Variants in PLD4 observed in about 807,000 individuals in gnomAD.
PLD4 encodes the protein 5'-3' exonuclease PLD4.
PLD4 carries 54 observed loss-of-function variants against 52.3 expected under a neutral mutation model. That is an observed-to-expected ratio of 1.03 (90% CI 0.83 to 1.30). PLD4 has a LOEUF of 1.30. PLD4 is among the 50% of genes most tolerant of loss of function. The pLI is 0.00. For missense variants in PLD4, 731 were observed against 671.1 expected (o/e 1.09, Z -0.99); for synonymous variants, 264 against 286.5 (o/e 0.92, Z 0.79).
At position 104,930,838 on chromosome 14, in the gene PLD4, G is replaced by A. The variant is rs543549955; in HGVS notation, c.814G>A (p.Ala272Thr). 8.7e-6 allele frequency: 14 copies of A among 1,613,560 alleles called. No individual in the cohort carries two copies. Among genetic ancestry groups the A allele is most frequent in the South Asian group, 1.1e-5 (1 of 91,088 alleles). ...QTYWVLGVPK[A>T]VLPKTWPQNF... ...CTACTGGGTACTGGGGGTGCCCAAG[G>A]CTGTCCTCCCCAAAACCTGGCCTCA... Residue 272 changes from alanine (A) to threonine (T), a missense_variant, in exon 7 of 11, where the codon GCT (alanine) becomes ACT (threonine). Ala to Thr is a moderately conservative substitution (Grantham distance 58, BLOSUM62 0). Transcript: ENST00000392593.
rs2582533 is a variant in PLD4, at chr14:104,932,450, G to C, written c.1321+95G>C. 0.55 allele frequency: 750,399 copies of C among 1,370,866 alleles called. 208,389 individuals carry two copies. Among genetic ancestry groups the C allele is most frequent in the African/African-American group, 0.72 (50,840 of 70,310 alleles). The allele number at this position is 1,370,866 out of a possible 1,614,324, so 84.9% of individuals were successfully genotyped here. ...TGTGACCGGCGTGGACACCTCAGGA[G>C]GGAGGGGCTGCTGCTGAAGGGGGAC... is the stretch of plus-strand genomic sequence containing the variant. On this transcript the variant is annotated intron_variant, in intron 10 of 10. Transcript: ENST00000392593. The surrounding 1 kb of genome is among the most constrained non-coding windows in gnomAD (Gnocchi z 6.5).
chr14:104,927,961 C>T (rs1897515330), intron 3 of PLD4, 95 bp downstream of exon 3: 4 of 1,328,960 alleles, frequency 3.0e-6, no homozygotes, highest in Admixed American at 5.4e-5. Context: ...ATAAGGGGGG[C>T]CCTCTACCAG....
rs749164082 is a variant in PLD4, at chr14:104,928,839, G to A, written c.375G>A (p.Leu125=). ...CTCTGGGCCAGGCCTGGCTGCAGCT[G>A]CTGGACACTGCCCAGGAGAGCGTCC... ...AQPLGQAWLQ[L]LDTAQESVHV... Residue 125 remains leucine (L), a synonymous_variant, in exon 4 of 11, where the codon CTG becomes CTA. Coordinates refer to ENST00000392593, the MANE Select transcript of PLD4 (RefSeq NM_138790.5). 20 of 1,612,264 alleles carry A rather than the reference G, an allele frequency of 1.2e-5. No individual in the cohort carries two copies. Among genetic ancestry groups the A allele is most frequent in the Non-Finnish European group, 1.6e-5 (19 of 1,179,522 alleles).
chr14:104,925,473 G>T (rs962086058), intron 1 of PLD4, among the ~76,000 whole-genome samples: 15 of 151,972 alleles, frequency 9.9e-5, no homozygotes, highest in African/African-American at 3.6e-4. Flanking sequence ...GATGGGGCCT[G>T]CAAGAGGCAG....
chr14:104,931,470 G>A (rs1897641694), intron 7 of PLD4, among the ~76,000 whole-genome samples: 1 of 152,180 alleles, frequency 6.6e-6, no homozygotes, highest in South Asian at 2.1e-4. Flanking sequence ...GCACCCTGAA[G>A]GGAGTGGATA....
intron 1 of PLD4, among the ~76,000 whole-genome samples, chr14:104,925,619 A>G (rs1258946180): frequency 6.6e-6 from 1 of 152,098 alleles, no homozygotes; most frequent in African/African-American, 2.4e-5. Flanking sequence ...ACAGCCCAGG[A>G]TTCCATGTTT....
chr14:104,931,652 A>G, intron 7 of PLD4, 96 bp from the exon 8 acceptor site: 1 of 1,446,290 alleles, frequency 6.9e-7, no homozygotes, highest in Non-Finnish European at 9.1e-7. Flanking sequence ...CCCTCCCTCC[A>G]CACCACATGG....
chr14:104,932,178 G>A lies in PLD4; in HGVS notation c.1224+1G>A, dbSNP rs907056447. The A allele has an allele frequency of 1.2e-6, 2 of 1,611,476 alleles. No individual in the cohort carries two copies. The highest frequency in any genetic ancestry group is 1.3e-5 in the African/African-American group (1 of 74,918). ...CGCGGCCAACGTCTCTGTGGACGTG[G>A]TGAGGGCGTGCTCCCGGCCGGGCGT... is the stretch of plus-strand genomic sequence containing the variant. On this transcript the variant is annotated splice_donor_variant, in intron 9 of 10. Coordinates refer to ENST00000392593, the MANE Select transcript of PLD4 (RefSeq NM_138790.5). LOFTEE classifies it high-confidence loss of function. This position sits in a 1 kb window ranked among gnomAD's most constrained non-coding sequence, Gnocchi z 6.5.
At position 104,932,509 on chromosome 14, in the gene PLD4, C is replaced by T. The variant is rs1897691026; in HGVS notation, c.1321+154C>T. Among the ~76,000 whole-genome samples, 1 of 152,208 alleles carries T rather than the reference C, an allele frequency of 6.6e-6. No individual in the cohort carries two copies. The highest frequency in any genetic ancestry group is 1.5e-5 in the Non-Finnish European group (1 of 68,044). On this transcript the variant is annotated intron_variant, in intron 10 of 10. Transcript: ENST00000392593. This position sits in a 1 kb window ranked among gnomAD's most constrained non-coding sequence, Gnocchi z 6.5. The stretch of plus-strand genomic sequence containing the variant: ...CATGGAGTTCCGGGGACCAGGCCAC[C>T]CGCCTGTCACCTGGCCCCACAGGGC...
rs752911267 is a variant in PLD4, at chr14:104,932,965, G to A, written c.*1G>A. The A allele has an allele frequency of 7.0e-6, 11 of 1,576,366 alleles. No homozygotes were observed. The Middle Eastern group carries it at 5.5e-4, about 79-fold the overall frequency. ...CCAGGACTGCGTTTGGCAGGGCTGA[G>A]GGGGGCCTCTTTTTCTCTCGGCGAC... is the stretch of plus-strand genomic sequence containing the variant. On this transcript the variant is annotated 3_prime_UTR_variant, in exon 11 of 11. Transcript: ENST00000392593. This position sits in a 1 kb window ranked among gnomAD's most constrained non-coding sequence, Gnocchi z 6.5.
Position 104,930,046 on chromosome 14 carries a change from G to A in PLD4, c.658G>A (p.Val220Met), listed in dbSNP as rs1461063793. 9 of 1,613,690 alleles carry A rather than the reference G, an allele frequency of 5.6e-6. No homozygotes were observed. Among genetic ancestry groups the A allele is most frequent in the Non-Finnish European group, 7.6e-6 (9 of 1,179,990 alleles). The change falls in exon 6 of 11, where the codon GTG becomes ATG. Residue 220 changes from valine to methionine, a missense_variant. Val to Met is a conservative substitution (Grantham distance 21, BLOSUM62 1). Coordinates refer to ENST00000392593, the MANE Select transcript of PLD4 (RefSeq NM_138790.5). ...RGVLHSKFWVVDGRHIYMGSA... is the reference protein window; with the variant it reads ...RGVLHSKFWVMDGRHIYMGSA... ...TGTTTTGCACTCCAAATTCTGGGTTGTGGATGGACGGCACATATACATGGG... is the reference window on the plus strand; with the variant it reads ...TGTTTTGCACTCCAAATTCTGGGTTATGGATGGACGGCACATATACATGGG...
At chr14:104,928,954 C>T (rs373887918) in intron 4 of PLD4, 22 bp downstream of exon 4, 6 of 1,573,706 alleles carry the variant, frequency 3.8e-6, no homozygotes, top group Non-Finnish European at 4.3e-6. Context: ...CCTGGCCCCA[C>T]CGCATCCTGG....
chr14:104,927,976 T>C, intron 3 of PLD4, 110 bp downstream of exon 3: 5 of 1,254,836 alleles, frequency 4.0e-6, no homozygotes, highest in Non-Finnish European at 5.3e-6. Flanking sequence ...TACCAGCTCC[T>C]CCAGGAAGGT....
chr14:104,932,089 G>GT lies in PLD4; in HGVS notation c.1136_1137insT (p.Gly380ArgfsTer103). ...GTGCGCGTGCGCCTGCTGGTCGGCTGCGGACTCAACACGGACCCCACCATG... is the reference window on the plus strand; with the variant it reads ...GTGCGCGTGCGCCTGCTGGTCGGCTGTCGGACTCAACACGGACCCCACCATG... On this transcript the variant is annotated frameshift_variant, in exon 9 of 11. Transcript: ENST00000392593. LOFTEE classifies it high-confidence loss of function. This position sits in a 1 kb window ranked among gnomAD's most constrained non-coding sequence, Gnocchi z 6.5. 6.2e-7 allele frequency: 1 copy of GT among 1,610,360 alleles called. No individual in the cohort carries two copies. Among genetic ancestry groups the GT allele is most frequent in the Non-Finnish European group, 8.5e-7 (1 of 1,179,210 alleles).
chr14:104,925,823 C>T (rs1314555009), intron 1 of PLD4, among the ~76,000 whole-genome samples: 4 of 152,054 alleles, frequency 2.6e-5, no homozygotes, highest in African/African-American at 7.2e-5. Context: ...GGCACCCACC[C>T]ACCTCTGCAG....
In PLD4 at chr14:104,931,863, C is replaced by A; in HGVS notation, c.1034C>A (p.Thr345Asn). Reference sequence around the variant, plus strand: ...GCCTCCGTGATGGAGTATTTCCCCACCACGCGCTTCAGCCACCCCCCGAGG... The same window carrying A: ...GCCTCCGTGATGGAGTATTTCCCCAACACGCGCTTCAGCCACCCCCCGAGG... ...IYASVMEYFP[T>N]TRFSHPPRYW... The change falls in exon 8 of 11, where the codon ACC becomes AAC. Residue 345 changes from threonine to asparagine, a missense_variant. By Grantham distance (65) the Thr-to-Asn change is moderately conservative. Transcript: ENST00000392593. The A allele has an allele frequency of 6.5e-7, 1 of 1,544,882 alleles. No homozygotes were observed.
chr14:104,929,429 T>C lies in PLD4; in HGVS notation c.589+2T>C. The stretch of plus-strand genomic sequence containing the variant: ...ACCTGCAGGTTCTGGCTGCCCGAGG[T>C]GGGTACCTGCACCATGCTGGGCACC... On this transcript the variant is annotated splice_donor_variant, in intron 5 of 10. Transcript: ENST00000392593. LOFTEE classifies it high-confidence loss of function. 1 of 1,554,248 alleles carries C rather than the reference T, an allele frequency of 6.4e-7. No homozygotes were observed. The highest frequency in any genetic ancestry group is 8.7e-7 in the Non-Finnish European group (1 of 1,149,216).
At chr14:104,929,729 G>A (rs1897578095) in intron 5 of PLD4, among the ~76,000 whole-genome samples, 2 of 152,208 alleles carry the variant, frequency 1.3e-5, no homozygotes, top group Admixed American at 1.3e-4. Context: ...ACCTCTGGCT[G>A]GGCAGTGAGA....
intron 4 of PLD4, 166 bp downstream of exon 4, chr14:104,929,098 G>T: frequency 1.7e-6 from 2 of 1,180,270 alleles, no homozygotes; most frequent in African/African-American, 1.5e-5. Flanking sequence ...TAACAGCAGA[G>T]GTGTCAAGGA....
Sources: allele counts gnomAD v4.1 joint callset (sites outside exome capture counted in the v4.1 genomes callset), GRCh38; gene constraint gnomAD v4.1.1; non-coding constraint Gnocchi (gnomAD v3.1); transcripts MANE v1.5; gene names NCBI Gene and HGNC (gene_info 2026-07-23, HGNC 2026-07-21).